Variants in SLC7A2 observed in about 807,000 individuals in gnomAD.
The protein encoded by SLC7A2 is solute carrier family 7 member 2.
In SLC7A2, 48 loss-of-function variants were observed where a neutral mutation model predicts 58.9. The observed-to-expected ratio is 0.82, with a 90% CI of 0.65 to 1.04. The LOEUF (loss-of-function observed/expected upper bound fraction) is 1.04. Among genes scored for constraint, SLC7A2 ranks in the 50% least tolerant of loss-of-function variants. SLC7A2 has a pLI of 0.00. For missense variants in SLC7A2, 1,029 were observed against 818.8 expected (o/e 1.26, Z -3.13); for synonymous variants, 363 against 314.5 (o/e 1.15, Z -1.63).
At chr8:17,524,664 G>T (rs1364629775) in intron 2 of SLC7A2, among the ~76,000 whole-genome samples, 1 of 152,144 alleles carries the variant, frequency 6.6e-6, no homozygotes, top group African/African-American at 2.4e-5. Context: ...AGGGGAAAGG[G>T]TTGGGGATGG....
chr8:17,506,118 G>A (rs1355323599), intron 2 of SLC7A2, among the ~76,000 whole-genome samples: 3 of 152,188 alleles, frequency 2.0e-5, no homozygotes, highest in Non-Finnish European at 4.4e-5. Context: ...TAGTGGTTGT[G>A]TAGGTGGAGT....
At chr8:17,516,696 T>C (rs975617755) in intron 2 of SLC7A2, among the ~76,000 whole-genome samples, 1 of 152,256 alleles carries the variant, frequency 6.6e-6, no homozygotes, top group Non-Finnish European at 1.5e-5. Flanking sequence ...TTCATTGCTC[T>C]TTAAGTGATG....
chr8:17,543,760 C>G, intron 3 of SLC7A2, 45 bp downstream of exon 3: 1 of 1,495,176 alleles, frequency 6.7e-7, no homozygotes, highest in Non-Finnish European at 8.9e-7. Flanking sequence ...TGGAAGAAAT[C>G]GCAGCCCTGA....
Position 17,545,500 on chromosome 8 carries a change from C to T in SLC7A2, c.532+894C>T, listed in dbSNP as rs145931888. ...GCAACCTCCGTCTCCCGGGTGCAAG[C>T]GATTCTTCTGCCTCAGCCTCCTGAG... On this transcript the variant is annotated intron_variant, in intron 4 of 12. Coordinates refer to ENST00000494857, the MANE Select transcript of SLC7A2 (RefSeq NM_001370338.1). Among the ~76,000 whole-genome samples, 242 of 144,288 alleles carry T rather than the reference C, an allele frequency of 1.7e-3. 1 individual carries two copies. Among genetic ancestry groups the T allele is most frequent in the African/African-American group, 5.8e-3 (220 of 38,128 alleles). 94.7% of individuals were successfully genotyped at this position (144,288 alleles called of 152,430 possible).
At chr8:17,524,921 C>T (rs762071248) in intron 2 of SLC7A2, among the ~76,000 whole-genome samples, 1 of 152,068 alleles carries the variant, frequency 6.6e-6, no homozygotes, top group Middle Eastern at 3.4e-3. Flanking sequence ...AGTGATAGCA[C>T]TTTAACTTTT....
At position 17,502,355 on chromosome 8, in the gene SLC7A2, T is replaced by A. The variant is rs553737419; in HGVS notation, c.-23+53T>A. ...CACGTTGGAATGGAAAAAGGACTGA[T>A]AAAAAAAAAATGTTGACAGTGGAAA... On this transcript the variant is annotated intron_variant, in intron 2 of 12. Transcript: ENST00000494857. 1,184 of 148,922 alleles carry A rather than the reference T, an allele frequency of 8.0e-3. 4 individuals carry two copies. Among genetic ancestry groups the A allele is most frequent in the Non-Finnish European group, 0.013 (847 of 67,004 alleles). The allele number at this position is 148,922 out of a possible 1,614,324, so 9.2% of individuals were successfully genotyped here. A position where few individuals can be genotyped will look rare whatever the true frequency, so the allele number is the denominator to read the frequency against.
intron 2 of SLC7A2, among the ~76,000 whole-genome samples, chr8:17,514,226 G>A (rs1019590798): frequency 6.6e-6 from 1 of 151,956 alleles, no homozygotes; most frequent in African/African-American, 2.4e-5. Flanking sequence ...ATAGAAAGGG[G>A]TGGTGGCAAA....
At chr8:17,522,233 G>T (rs1801042696) in intron 2 of SLC7A2, among the ~76,000 whole-genome samples, 1 of 152,088 alleles carries the variant, frequency 6.6e-6, no homozygotes, top group Admixed American at 6.5e-5. Flanking sequence ...CAAGTAAAAG[G>T]GGTATCCCCT....
intron 3 of SLC7A2, 93 bp downstream of exon 3, chr8:17,543,808 A>G (rs1802032864): frequency 4.5e-6 from 5 of 1,118,024 alleles, no homozygotes; most frequent in East Asian, 4.9e-5. Context: ...TGTTGGGTAC[A>G]TCACTTGATG....
chr8:17,554,729 C>A, intron 8 of SLC7A2, 30 bp downstream of exon 8: 4 of 1,585,064 alleles, frequency 2.5e-6, no homozygotes, highest in Non-Finnish European at 1.7e-6. Flanking sequence ...TCTTCAGAAA[C>A]GGGGGATCTT....
In SLC7A2 at chr8:17,550,457, G is replaced by A. The variant is rs781189455; in HGVS notation, c.832+23G>A. 84 of 1,607,818 alleles carry A rather than the reference G, an allele frequency of 5.2e-5. No individual in the cohort carries two copies. In the South Asian group the frequency reaches 8.3e-4, roughly 16 times the overall value. On this transcript the variant is annotated intron_variant, in intron 6 of 12. Coordinates refer to ENST00000494857, the MANE Select transcript of SLC7A2 (RefSeq NM_001370338.1). ...CTGGTAAGAGCAGTGTCTTGGCTCA[G>A]TGTAGAAGGAGTGTTCCTTGTTGTG... is the stretch of plus-strand genomic sequence containing the variant.
intron 9 of SLC7A2, 114 bp downstream of exon 9, chr8:17,558,511 A>ACT: frequency 1.7e-6 from 1 of 591,766 alleles, no homozygotes; most frequent in Non-Finnish European, 3.0e-6. Flanking sequence ...CCAAGGTGAG[A>ACT]GGTCACATCT....
At chr8:17,504,639 CATCTTT>C (rs1800293539) in intron 2 of SLC7A2, among the ~76,000 whole-genome samples, 1 of 152,148 alleles carries the variant, frequency 6.6e-6, no homozygotes, top group African/African-American at 2.4e-5. Flanking sequence ...CTTTGGCTTT[CATCTTT>C]ATTACCAACT....
chr8:17,512,727 C>G (rs1402963558), intron 2 of SLC7A2, among the ~76,000 whole-genome samples: 1 of 152,142 alleles, frequency 6.6e-6, no homozygotes. Context: ...CGTTGTACAA[C>G]AGATTTCTAG....
intron 8 of SLC7A2, chr8:17,555,081 T>C: frequency 6.2e-7 from 1 of 1,613,658 alleles, no homozygotes; most frequent in Non-Finnish European, 8.5e-7. Flanking sequence ...GGGTCATTTC[T>C]GGTAAGCTTT....
intron 2 of SLC7A2, among the ~76,000 whole-genome samples, chr8:17,507,128 G>A (rs1039006583): frequency 1.3e-5 from 2 of 151,770 alleles, no homozygotes; most frequent in African/African-American, 2.4e-5. Flanking sequence ...TTGTATTTTA[G>A]TAGAGATGGG....
chr8:17,554,492 T>C (rs1802593849), intron 7 of SLC7A2, 68 bp from the exon 8 acceptor site: 1 of 1,295,290 alleles, frequency 7.7e-7, no homozygotes, highest in East Asian at 2.5e-5. Flanking sequence ...ACAATTATTT[T>C]ATTTCCGTTC....
chr8:17,541,383 G>T (rs1033087256), intron 2 of SLC7A2, among the ~76,000 whole-genome samples: 1 of 152,200 alleles, frequency 6.6e-6, no homozygotes, highest in African/African-American at 2.4e-5. Context: ...ACCTGAATAT[G>T]GGCAAAACTG....
At chr8:17,520,728 T>C in intron 2 of SLC7A2, 1 of 892,564 alleles carries the variant, frequency 1.1e-6, no homozygotes, top group Non-Finnish European at 1.3e-6. Context: ...AAGGAGGAGA[T>C]GGGAGATGAG....
Sources: gnomAD v4.1 joint callset for allele counts (sites outside exome capture counted in the v4.1 genomes callset) on GRCh38, gnomAD v4.1.1 for gene constraint, MANE v1.5 for transcripts, NCBI Gene and HGNC (gene_info 2026-07-23, HGNC 2026-07-21) for gene names.